PCCB: variants seen among roughly 807,000 people sequenced by gnomAD.
PCCB encodes the protein propionyl-CoA carboxylase beta chain, mitochondrial.
In PCCB, 43 loss-of-function variants were observed where a neutral mutation model predicts 60.7. That is an observed-to-expected ratio of 0.71 (90% CI 0.55 to 0.91). The LOEUF (loss-of-function observed/expected upper bound fraction) is 0.91. Among genes scored for constraint, PCCB ranks in the 40% least tolerant of loss-of-function variants. The probability of loss-of-function intolerance (pLI) is 0.00; values close to 1 mark genes in which losing one functional copy is unlikely to be tolerated. For missense variants in PCCB, 766 were observed against 702.8 expected, an observed-to-expected ratio of 1.09 and a Z score of -1.02; for synonymous variants, 276 against 255.9, an observed-to-expected ratio of 1.08 and a Z score of -0.75.
At chr3:136,292,731 G>A (rs1437937473) in intron 6 of PCCB, among the ~76,000 whole-genome samples, 2 of 151,698 alleles carry the variant, frequency 1.3e-5, no homozygotes, top group Non-Finnish European at 3.0e-5. Flanking sequence ...AAGTGTTTGT[G>A]TTAGATAATG....
intron 10 of PCCB, chr3:136,326,510 A>C: frequency 1.5e-6 from 1 of 658,094 alleles, no homozygotes; most frequent in African/African-American, 1.8e-5. Flanking sequence ...GCTGCCTCCC[A>C]CTGATGGCTC....
chr3:136,263,221 G>A (rs1231541169), intron 5 of PCCB, among the ~76,000 whole-genome samples: 1 of 150,206 alleles, frequency 6.7e-6, no homozygotes, highest in Admixed American at 6.6e-5. Flanking sequence ...CTAAAGTGCT[G>A]GGATTACAGG....
chr3:136,276,480 A>T (rs991601753), intron 5 of PCCB, among the ~76,000 whole-genome samples: 1 of 152,030 alleles, frequency 6.6e-6, no homozygotes, highest in Admixed American at 6.5e-5. Context: ...AGCTATTCGG[A>T]TCAGACAGGC....
chr3:136,259,666 CCTTT>C (rs1469635851), intron 3 of PCCB, among the ~76,000 whole-genome samples: 1 of 152,092 alleles, frequency 6.6e-6, no homozygotes, highest in Non-Finnish European at 1.5e-5. Context: ...TCATGAACTT[CCTTT>C]AAGATATTTT....
chr3:136,328,786 A>T lies in PCCB; in HGVS notation c.1427A>T (p.His476Leu), dbSNP rs758734437. The T allele has an allele frequency of 6.2e-7, 1 of 1,614,144 alleles. No homozygotes were observed. The highest frequency in any genetic ancestry group is 1.1e-5 in the South Asian group (1 of 91,086). Residue 476 changes from histidine (H) to leucine (L), a missense_variant, in exon 14 of 15, where the codon CAT becomes CTT. By Grantham distance (99) the His-to-Leu change is moderately conservative. Transcript: ENST00000251654. ...GCTGTGGAGATCATCTTCAAAGGGC[A>T]TGAGAATGTGGAAGCTGCTCAGGCA... ...KGAVEIIFKG[H>L]ENVEAAQAEY...
rs149896853 is a variant in PCCB at position 136,258,482 on chromosome 3, G to T, written c.372+1859G>T. Among the ~76,000 whole-genome samples the T allele has an allele frequency of 7.3e-4, 111 of 152,312 alleles. No homozygotes were observed. The East Asian group carries it at 0.018, about 25-fold the overall frequency. ...CCCTGAAGGATACTGAGGGTAGGGA[G>T]TGATGAGCTAGTGTTTTTTAATAGT... On this transcript the variant is annotated intron_variant, in intron 3 of 14. Transcript: ENST00000251654.
intron 14 of PCCB, among the ~76,000 whole-genome samples, chr3:136,329,190 A>G (rs907490564): frequency 2.0e-5 from 3 of 152,148 alleles, no homozygotes; most frequent in Non-Finnish European, 2.9e-5. Context: ...GGGGTCCACA[A>G]TTTGGTCTGG....
In PCCB at chr3:136,290,004, G is replaced by A. The variant is rs150552750; in HGVS notation, c.655-3752G>A. Among the ~76,000 whole-genome samples, 61 of 152,170 alleles carry A rather than the reference G, an allele frequency of 4.0e-4. 1 individual carries two copies. Among genetic ancestry groups the A allele is most frequent in the African/African-American group, 1.4e-3 (59 of 41,520 alleles). ...GGTCTTAGCCAAAAGGCTGAGAAGC[G>A]ATGTGCACATAATTCAATTGTACAT... On this transcript the variant is annotated intron_variant, in intron 6 of 14. Coordinates refer to ENST00000251654, the MANE Select transcript of PCCB (RefSeq NM_000532.5).
chr3:136,286,876 C>T (rs1933434490), intron 6 of PCCB, among the ~76,000 whole-genome samples: 1 of 151,854 alleles, frequency 6.6e-6, no homozygotes, highest in East Asian at 1.9e-4. Flanking sequence ...ACTAAAAATA[C>T]AAAAATTAGC....
At chr3:136,272,017 T>C (rs1157892359) in intron 5 of PCCB, among the ~76,000 whole-genome samples, 1 of 152,194 alleles carries the variant, frequency 6.6e-6, no homozygotes, top group Non-Finnish European at 1.5e-5. Context: ...TTGCTTTTAC[T>C]ATTTTGAAGT....
intron 5 of PCCB, among the ~76,000 whole-genome samples, chr3:136,262,959 T>C (rs1265805300): frequency 2.0e-5 from 3 of 149,556 alleles, no homozygotes; most frequent in Non-Finnish European, 4.5e-5. Flanking sequence ...AGGAGGTTTT[T>C]TTTTTTTTTT....
chr3:136,250,395 T>C lies in PCCB; in HGVS notation c.20T>C (p.Val7Ala). 1 of 1,536,774 alleles carries C rather than the reference T, an allele frequency of 6.5e-7. No individual in the cohort carries two copies. MAAALR[V>A]AAVGARLSVL... is the part of the protein sequence containing the mutation. The stretch of plus-strand genomic sequence containing the variant: ...GCAAAAATGGCGGCGGCATTACGGG[T>C]GGCGGCGGTCGGGGCAAGGCTCAGC... The change falls in exon 1 of 15, where the codon GTG becomes GCG. Residue 7 changes from valine to alanine, a missense_variant. By Grantham distance (64) the Val-to-Ala change is moderately conservative. Coordinates refer to ENST00000251654, the MANE Select transcript of PCCB (RefSeq NM_000532.5).
chr3:136,291,765 C>T (rs1193974435), intron 6 of PCCB, among the ~76,000 whole-genome samples: 1 of 152,200 alleles, frequency 6.6e-6, no homozygotes, highest in African/African-American at 2.4e-5. Flanking sequence ...AAGAATGATG[C>T]TCTCGTGCGT....
chr3:136,293,929 C>G, intron 7 of PCCB, 65 bp downstream of exon 7: 1 of 955,574 alleles, frequency 1.0e-6, no homozygotes, highest in South Asian at 1.3e-5. Flanking sequence ...GCCAAAGAGC[C>G]TGGTGGCAGT....
At chr3:136,273,055 C>T (rs1016038520) in intron 5 of PCCB, among the ~76,000 whole-genome samples, 2 of 152,006 alleles carry the variant, frequency 1.3e-5, no homozygotes, top group Non-Finnish European at 2.9e-5. Flanking sequence ...AAATTTTTAT[C>T]TTGATTTATT....
At chr3:136,328,943 T>A in intron 14 of PCCB, 86 bp downstream of exon 14, 1 of 1,116,196 alleles carries the variant, frequency 9.0e-7, no homozygotes, top group Non-Finnish European at 1.4e-6. Context: ...CATAACTGCC[T>A]TTTTGCCTTT....
At chr3:136,288,078 G>T (rs1458176306) in intron 6 of PCCB, among the ~76,000 whole-genome samples, 1 of 152,108 alleles carries the variant, frequency 6.6e-6, no homozygotes, top group Non-Finnish European at 1.5e-5. Context: ...GTCTCTTATT[G>T]TGTTGTCAAT....
chr3:136,327,131 C>T (rs1373712508), intron 11 of PCCB, 24 bp from the exon 12 acceptor site: 1 of 1,602,860 alleles, frequency 6.2e-7, no homozygotes, highest in South Asian at 1.1e-5. Flanking sequence ...TTGTGGGTAT[C>T]TAGTAACTCT....
intron 5 of PCCB, among the ~76,000 whole-genome samples, chr3:136,264,679 C>G (rs952719380): frequency 6.7e-6 from 1 of 150,200 alleles, no homozygotes; most frequent in Admixed American, 6.6e-5. Context: ...CAAGACCGTC[C>G]TGGCTAACAC....
Sources: gnomAD v4.1 joint callset for allele counts (sites outside exome capture counted in the v4.1 genomes callset) on GRCh38, gnomAD v4.1.1 for gene constraint, MANE v1.5 for transcripts, NCBI Gene and HGNC (gene_info 2026-07-23, HGNC 2026-07-21) for gene names.